Variants in STPG2 observed in about 807,000 individuals in gnomAD.
The protein encoded by STPG2 is sperm-tail PG-rich repeat-containing protein 2.
In STPG2, 56 loss-of-function variants were observed where a neutral mutation model predicts 54.2. That is an observed-to-expected ratio of 1.03 (90% confidence interval 0.83 to 1.29). The LOEUF (loss-of-function observed/expected upper bound fraction) is 1.29. Among genes scored for constraint, STPG2 ranks in the 50% most tolerant of loss-of-function variants. STPG2 has a pLI of 0.00. For synonymous variants in STPG2, 200 were observed against 181.8 expected, an observed-to-expected ratio of 1.10 and a Z score of -0.81; for missense variants, 596 against 544.9, an observed-to-expected ratio of 1.09 and a Z score of -0.93.
chr4:97,907,934 T>A (rs1343918673), intron 8 of STPG2, among the ~76,000 whole-genome samples: 1 of 152,202 alleles, frequency 6.6e-6, no homozygotes, highest in Admixed American at 6.5e-5. Flanking sequence ...AACCTAGGCC[T>A]GACCATTCAG....
At chr4:97,650,482 G>A (rs1158194121) in intron 10 of STPG2, among the ~76,000 whole-genome samples, 1 of 152,130 alleles carries the variant, frequency 6.6e-6, no homozygotes, top group African/African-American at 2.4e-5. Flanking sequence ...AGAAAGGCAA[G>A]ACAACTTGAA....
chr4:97,669,291 GTC>G (rs1362402045), intron 10 of STPG2, among the ~76,000 whole-genome samples: 3 of 152,074 alleles, frequency 2.0e-5, no homozygotes, highest in Non-Finnish European at 4.4e-5. Context: ...ATATGTTATA[GTC>G]TCATACCCAG....
At chr4:97,983,799 A>G (rs1002684067) in intron 5 of STPG2, among the ~76,000 whole-genome samples, 3 of 152,226 alleles carry the variant, frequency 2.0e-5, no homozygotes, top group Admixed American at 6.5e-5. Context: ...ACATACACAC[A>G]TTCACAGAGA....
chr4:98,023,984 A>T (rs1214603948), intron 5 of STPG2, among the ~76,000 whole-genome samples: 1 of 152,096 alleles, frequency 6.6e-6, no homozygotes, highest in Non-Finnish European at 1.5e-5. Context: ...GTGCTTCCCG[A>T]GTGAGGCAAT....
At chr4:97,616,822 C>A (rs1245862911) in intron 10 of STPG2, among the ~76,000 whole-genome samples, 10 of 151,894 alleles carry the variant, frequency 6.6e-5, no homozygotes, top group Admixed American at 6.6e-4. Flanking sequence ...CCAATGTATG[C>A]CAATGTATAT....
At chr4:97,975,446 T>G (rs570148436) in intron 6 of STPG2, among the ~76,000 whole-genome samples, 2 of 152,358 alleles carry the variant, frequency 1.3e-5, no homozygotes, top group South Asian at 4.1e-4. Flanking sequence ...TTTATTTTTC[T>G]GTGCATATTC....
intron 9 of STPG2, among the ~76,000 whole-genome samples, chr4:97,786,735 T>C (rs1726836691): frequency 6.6e-6 from 1 of 152,062 alleles, no homozygotes; most frequent in Non-Finnish European, 1.5e-5. Flanking sequence ...CACTCACCTG[T>C]TGGTCACTTA....
chr4:97,863,750 A>G (rs944938523), intron 8 of STPG2, among the ~76,000 whole-genome samples: 3 of 152,168 alleles, frequency 2.0e-5, no homozygotes, highest in Non-Finnish European at 1.5e-5. Flanking sequence ...CTTATCCACC[A>G]TGGTTAAGTG....
chr4:97,790,838 T>G (rs1172748084), intron 9 of STPG2, among the ~76,000 whole-genome samples: 1 of 152,292 alleles, frequency 6.6e-6, no homozygotes, highest in South Asian at 2.1e-4. Context: ...AACTTTTTAT[T>G]ACATCTGTAA....
intron 2 of STPG2, among the ~76,000 whole-genome samples, chr4:98,129,393 G>C (rs1739919755): frequency 6.6e-6 from 1 of 152,036 alleles, no homozygotes; most frequent in South Asian, 2.1e-4. Flanking sequence ...TCCTAAGTAT[G>C]CAAGCTATAT....
chr4:97,507,832 T>C (rs1730885612), intron 4 of STPG2, among the ~76,000 whole-genome samples: 1 of 152,058 alleles, frequency 6.6e-6, no homozygotes, highest in Non-Finnish European at 1.5e-5. Flanking sequence ...CATGTTACCA[T>C]TGCCACACAT....
At chr4:97,713,192 C>A (rs1244867580) in intron 9 of STPG2, among the ~76,000 whole-genome samples, 2 of 152,102 alleles carry the variant, frequency 1.3e-5, no homozygotes, top group African/African-American at 4.8e-5. Context: ...TTTAAAGAAG[C>A]AGAAAGGTGC....
chr4:97,948,519 T>G (rs777241979), intron 7 of STPG2, among the ~76,000 whole-genome samples: 5 of 152,132 alleles, frequency 3.3e-5, no homozygotes, highest in Non-Finnish European at 5.9e-5. Context: ...GTTGTCAGTT[T>G]GTGGTCTTTC....
chr4:97,997,666 T>G lies in STPG2; in HGVS notation c.613-16348A>C, dbSNP rs144343340. Among the ~76,000 whole-genome samples, 1,158 of 152,332 alleles carry G rather than the reference T, an allele frequency of 7.6e-3. 10 individuals are homozygous for G. The highest frequency in any genetic ancestry group is 0.012 in the Non-Finnish European group (822 of 68,030). On this transcript the variant is annotated intron_variant, in intron 5 of 10. Transcript: ENST00000295268. ...GTGGTACATATACACCATGGAATAC[T>G]ATGCAGCCATACAATACAAGAATAA... is the stretch of plus-strand genomic sequence containing the variant.
chr4:97,678,737 T>C (rs530346713), intron 10 of STPG2, among the ~76,000 whole-genome samples: 5 of 151,846 alleles, frequency 3.3e-5, no homozygotes, highest in Admixed American at 1.3e-4. Context: ...AACTCGTCAT[T>C]TAGCATTAGG....
In STPG2 at chr4:97,593,473, C is replaced by T. The variant is rs528360555; in HGVS notation, c.1321-34356G>A. Among the ~76,000 whole-genome samples the T allele has an allele frequency of 3.9e-5, 6 of 152,278 alleles. No homozygotes were observed. The South Asian group carries it at 1.2e-3, about 32-fold the overall frequency. ...CTTGCCTAGCTATGCCACCATTGCA[C>T]GTGAGAATTTGTACACGGATGCCAA... On this transcript the variant is annotated intron_variant, in intron 10 of 10. Coordinates refer to ENST00000295268, the MANE Select transcript of STPG2 (RefSeq NM_174952.3).
chr4:98,028,624 T>C (rs1334463639), intron 5 of STPG2, among the ~76,000 whole-genome samples: 9 of 152,222 alleles, frequency 5.9e-5, no homozygotes, highest in African/African-American at 7.2e-5. Context: ...TATTTTCTTA[T>C]AGTAGATGTT....
chr4:97,735,725 T>C (rs1052386843), intron 9 of STPG2, among the ~76,000 whole-genome samples: 3 of 151,168 alleles, frequency 2.0e-5, no homozygotes, highest in African/African-American at 7.3e-5. Flanking sequence ...ATCATTACAA[T>C]ATATAGGGAT....
intron 10 of STPG2, chr4:97,633,615 G>GGCGCAGGTCAGTGGGTGC: frequency 6.6e-6 from 1 of 152,178 alleles, no homozygotes; most frequent in South Asian, 2.1e-4. Flanking sequence ...CCAGACAGTG[G>GGCGCAGGTCAGTGGGTGC]GCGCAGGTCA....
Sources: gnomAD v4.1 joint callset for allele counts (sites outside exome capture counted in the v4.1 genomes callset) on GRCh38, gnomAD v4.1.1 for gene constraint, MANE v1.5 for transcripts, NCBI Gene and HGNC (gene_info 2026-07-23, HGNC 2026-07-21) for gene names.